Variants in DIAPH2 observed in about 807,000 individuals in gnomAD.
DIAPH2 encodes the protein diaphanous related formin 2, also known as protein diaphanous homolog 2.
Under a neutral mutation model 92.7 loss-of-function variants are expected in DIAPH2, and 35 were observed. That is an observed-to-expected ratio of 0.38 (90% CI 0.29 to 0.50). The LOEUF (loss-of-function observed/expected upper bound fraction) is 0.50. Ranked by LOEUF, DIAPH2 falls within the 20% of genes least tolerant of loss-of-function variation. The pLI, the probability that DIAPH2 is intolerant of heterozygous loss-of-function variation, is 0.94. For missense variants in DIAPH2, 701 were observed against 819.5 expected, an observed-to-expected ratio of 0.86 and a Z score of 1.77; for synonymous variants, 301 against 280.4, an observed-to-expected ratio of 1.07 and a Z score of -0.73.
intron 21 of DIAPH2, among the ~76,000 whole-genome samples, chrX:97,118,666 A>G (rs1401233693): frequency 2.7e-5 from 3 of 112,247 alleles, no homozygotes; most frequent in African/African-American, 9.7e-5. Context: ...CACAAGGTAC[A>G]CTGTCAATGA....
At chrX:97,056,404 A>G (rs1402525676) in intron 17 of DIAPH2, among the ~76,000 whole-genome samples, 1 of 111,675 alleles carries the variant, frequency 9.0e-6, no homozygotes, top group East Asian at 2.8e-4. Context: ...GGAATTACTT[A>G]AGCAAAATTC....
chrX:97,397,278 C>T (rs1449921471), intron 25 of DIAPH2, among the ~76,000 whole-genome samples: 9 of 111,583 alleles, frequency 8.1e-5, no homozygotes, highest in African/African-American at 2.6e-4. Flanking sequence ...AATAATTATC[C>T]TTTTAAATGT....
At chrX:96,815,389 A>C (rs1014681642) in intron 4 of DIAPH2, among the ~76,000 whole-genome samples, 1 of 111,456 alleles carries the variant, frequency 9.0e-6, no homozygotes, top group Non-Finnish European at 1.9e-5. Flanking sequence ...GGGAAAGCAC[A>C]GTATTTGGGC....
intron 23 of DIAPH2, among the ~76,000 whole-genome samples, chrX:97,254,698 ATTTATTTTAT>A (rs1171438281): frequency 3.7e-5 from 4 of 108,194 alleles, no homozygotes; most frequent in Non-Finnish European, 7.6e-5. Context: ...ATTTTATTTT[ATTTATTTTAT>A]TTTATTTTAT....
chrX:96,950,793 T>C (rs906528786), intron 15 of DIAPH2, among the ~76,000 whole-genome samples: 1 of 111,725 alleles, frequency 9.0e-6, no homozygotes, highest in African/African-American at 3.3e-5. Flanking sequence ...TAAGACCCTC[T>C]GGCATGAGTT....
intron 1 of DIAPH2, among the ~76,000 whole-genome samples, chrX:96,709,816 G>A (rs2063907655): frequency 1.8e-5 from 2 of 111,721 alleles, no homozygotes; most frequent in African/African-American, 6.5e-5. Flanking sequence ...GCATACCTTC[G>A]AATCAAAGTT....
At chrX:97,565,585 A>G (rs1425749452) in intron 26 of DIAPH2, among the ~76,000 whole-genome samples, 1 of 112,569 alleles carries the variant, frequency 8.9e-6, no homozygotes, top group Admixed American at 9.4e-5. Flanking sequence ...TTGTTTAGTT[A>G]TACAGATATA....
At chrX:97,043,518 A>C (rs891158817) in intron 17 of DIAPH2, among the ~76,000 whole-genome samples, 6 of 110,647 alleles carry the variant, frequency 5.4e-5, no homozygotes, top group African/African-American at 2.0e-4. Flanking sequence ...GTATTTTCTA[A>C]TATAAAAAGA....
At chrX:97,445,695 G>C (rs781624385) in intron 26 of DIAPH2, among the ~76,000 whole-genome samples, 1 of 108,144 alleles carries the variant, frequency 9.2e-6, no homozygotes, top group African/African-American at 3.4e-5. Context: ...TGATCTGCCC[G>C]CCTCGGCCTC....
intron 17 of DIAPH2, among the ~76,000 whole-genome samples, chrX:97,052,811 T>C (rs2066529541): frequency 9.0e-6 from 1 of 111,465 alleles, no homozygotes; most frequent in Non-Finnish European, 1.9e-5. Context: ...GGGCCTAGCA[T>C]GAGGGTTGAT....
At chrX:96,937,417 T>A (rs1876910318) in intron 11 of DIAPH2, 66 bp downstream of exon 11, 1 of 669,057 alleles carries the variant, frequency 1.5e-6, no homozygotes, top group African/African-American at 2.2e-5. Flanking sequence ...TGGGCGATTT[T>A]GTGGAACATT....
At chrX:96,976,402 G>A (rs887716262) in intron 17 of DIAPH2, among the ~76,000 whole-genome samples, 4 of 110,805 alleles carry the variant, frequency 3.6e-5, no homozygotes, top group Non-Finnish European at 7.6e-5. Flanking sequence ...GAATACAGGT[G>A]TAAGCCACTG....
At chrX:96,737,128 T>C (rs2064092863) in intron 2 of DIAPH2, among the ~76,000 whole-genome samples, 1 of 111,927 alleles carries the variant, frequency 8.9e-6, no homozygotes, top group South Asian at 3.7e-4. Flanking sequence ...CCAGGGGCTG[T>C]TGGATTTAGG....
intron 23 of DIAPH2, among the ~76,000 whole-genome samples, chrX:97,275,483 G>C (rs1254371008): frequency 4.2e-5 from 2 of 47,189 alleles, no homozygotes; most frequent in Non-Finnish European, 1.5e-4. Flanking sequence ...TTCCCAGATG[G>C]GGCGGCTGCC....
intron 4 of DIAPH2, among the ~76,000 whole-genome samples, chrX:96,774,244 C>G: frequency 8.9e-6 from 1 of 111,761 alleles, no homozygotes; most frequent in Non-Finnish European, 1.9e-5. Context: ...GGCCTCTTAA[C>G]CAATAACTAA....
chrX:97,459,794 C>T (rs1235386472), intron 26 of DIAPH2, among the ~76,000 whole-genome samples: 2 of 110,715 alleles, frequency 1.8e-5, no homozygotes, highest in African/African-American at 6.6e-5. Context: ...AAAGAGGCAG[C>T]ATGATGGTTA....
intron 4 of DIAPH2, among the ~76,000 whole-genome samples, chrX:96,796,043 G>A (rs904487345): frequency 7.1e-5 from 8 of 112,086 alleles, no homozygotes; most frequent in African/African-American, 2.6e-4. Context: ...TTGAGCATGT[G>A]TGGATTTTGG....
intron 22 of DIAPH2, among the ~76,000 whole-genome samples, chrX:97,244,683 A>G (rs1170887688): frequency 1.8e-5 from 2 of 112,071 alleles, no homozygotes; most frequent in Non-Finnish European, 3.8e-5. Context: ...AAGGAAAAGT[A>G]TGTGCTAAGT....
chrX:97,282,224 G>A (rs192865268), intron 23 of DIAPH2, among the ~76,000 whole-genome samples: 19 of 111,645 alleles, frequency 1.7e-4, no homozygotes, highest in African/African-American at 5.8e-4. Flanking sequence ...GCTTCACAGC[G>A]GCAACTGAAT....
Sources: allele counts gnomAD v4.1 joint callset (sites outside exome capture counted in the v4.1 genomes callset), GRCh38; gene constraint gnomAD v4.1.1; transcripts MANE v1.5; gene names NCBI Gene and HGNC (gene_info 2026-07-23, HGNC 2026-07-21).